TLL1: variants seen among roughly 807,000 people sequenced by gnomAD.
TLL1 encodes the protein tolloid like 1, also known as tolloid-like protein 1.
In TLL1, 49 loss-of-function variants were observed where a neutral mutation model predicts 128.2. The observed-to-expected ratio is 0.38, with a 90% CI of 0.30 to 0.48. TLL1 has a LOEUF of 0.48. Among genes scored for constraint, TLL1 ranks in the 20% least tolerant of loss-of-function variants. TLL1 has a pLI of 0.96. For missense variants in TLL1, 1,123 were observed against 1,242.0 expected (o/e 0.90, Z 1.44); for synonymous variants, 454 against 418.8 (o/e 1.08, Z -1.03).
intron 19 of TLL1, among the ~76,000 whole-genome samples, chr4:166,093,856 G>T (rs1219751693): frequency 6.6e-6 from 1 of 152,078 alleles, no homozygotes; most frequent in Non-Finnish European, 1.5e-5. Context: ...TGTTAACAAG[G>T]CACGTCCTGC....
chr4:166,073,897 C>T (rs905916757), intron 16 of TLL1, among the ~76,000 whole-genome samples: 6 of 152,044 alleles, frequency 3.9e-5, no homozygotes, highest in Non-Finnish European at 5.9e-5. Flanking sequence ...CAGCCTAACT[C>T]CTCATATGAC....
intron 1 of TLL1, among the ~76,000 whole-genome samples, chr4:165,950,760 T>C (rs902686588): frequency 3.3e-5 from 5 of 152,052 alleles, no homozygotes; most frequent in African/African-American, 9.7e-5. Context: ...GTGATGTTGC[T>C]AAAACAGTTC....
chr4:166,093,077 GCCTCTCC>G (rs1741849831), intron 19 of TLL1, among the ~76,000 whole-genome samples: 1 of 152,130 alleles, frequency 6.6e-6, no homozygotes, highest in Non-Finnish European at 1.5e-5. Flanking sequence ...GGGGTGGCCT[GCCTCTCC>G]ACACCTGTGG....
chr4:166,079,250 G>A (rs1181850939), intron 18 of TLL1, among the ~76,000 whole-genome samples: 7 of 152,048 alleles, frequency 4.6e-5, no homozygotes, highest in Admixed American at 2.6e-4. Flanking sequence ...CTTTTAAGGC[G>A]TTCATTTTCT....
chr4:165,902,587 T>A (rs555534865), intron 1 of TLL1, among the ~76,000 whole-genome samples: 1 of 152,252 alleles, frequency 6.6e-6, no homozygotes, highest in Admixed American at 6.5e-5. Flanking sequence ...CACCCTGCTT[T>A]GGCTTGCCTT....
rs1368854215 is a variant in TLL1, at chr4:166,014,576, A to G, written c.1042+16A>G. 6.2e-7 allele frequency: 1 copy of G among 1,610,902 alleles called. No individual in the cohort carries two copies. Among genetic ancestry groups the G allele is most frequent in the Non-Finnish European group, 8.5e-7 (1 of 1,178,014 alleles). On this transcript the variant is annotated intron_variant, in intron 8 of 20. Transcript: ENST00000061240. The stretch of plus-strand genomic sequence containing the variant: ...AGATGTCCAGGTATTGCACTACACA[A>G]ACACAAGAGCATGACTGTACTTGAT...
Position 166,099,573 on chromosome 4 carries a change from C to T in TLL1, c.2907+46C>T, listed in dbSNP as rs752905072. ...ATACCCTAGACATGATTAAAGATGC[C>T]TATTGATTCATGATTGATATGTGTA... On this transcript the variant is annotated intron_variant, in intron 20 of 20. Transcript: ENST00000061240. 3.8e-6 allele frequency: 6 copies of T among 1,598,728 alleles called. No individual in the cohort carries two copies. The African/African-American group carries it at 4.1e-5, about 11-fold the overall frequency.
rs1181828348 is a variant in TLL1 at position 166,014,537 on chromosome 4, C to G, written c.1019C>G (p.Ala340Gly). 5 of 1,611,902 alleles carry G rather than the reference C, an allele frequency of 3.1e-6. No homozygotes were observed. The highest frequency in any genetic ancestry group is 3.4e-6 in the Non-Finnish European group (4 of 1,178,568). Reference protein sequence around the residue: ...TRLSKGDIAQARKLYRCPACG... With the variant: ...TRLSKGDIAQGRKLYRCPACG... ...CTAAGCAAAGGAGATATCGCACAGG[C>G]AAGAAAGCTGTATAGATGTCCAGGT... The change falls in exon 8 of 21, where the codon GCA becomes GGA. Residue 340 changes from alanine (A) to glycine (G), a missense_variant. Ala to Gly is a moderately conservative substitution (Grantham distance 60). Around this residue, in one of 3 missense-constraint regions of TLL1, gnomAD observed 480 missense variants for 542.4 expected, o/e 0.89. Transcript: ENST00000061240.
intron 18 of TLL1, among the ~76,000 whole-genome samples, chr4:166,080,639 T>C (rs1287952528): frequency 1.3e-5 from 2 of 152,164 alleles, no homozygotes; most frequent in Admixed American, 6.6e-5. Context: ...ATAGAGACTT[T>C]ATGTCTGGAA....
intron 12 of TLL1, chr4:166,044,494 G>A: frequency 1.5e-6 from 2 of 1,359,986 alleles, no homozygotes; most frequent in Non-Finnish European, 2.0e-6. Context: ...TAACTTCCCA[G>A]ATGTATTTCC....
At chr4:166,039,585 A>T in intron 10 of TLL1, 144 bp downstream of exon 10, 1 of 658,588 alleles carries the variant, frequency 1.5e-6, no homozygotes, top group Non-Finnish European at 2.7e-6. Flanking sequence ...TTTTTCAACC[A>T]TACCAAAAAT....
intron 1 of TLL1, among the ~76,000 whole-genome samples, chr4:165,910,028 G>C (rs1206396342): frequency 6.6e-6 from 1 of 152,118 alleles, no homozygotes; most frequent in Admixed American, 6.5e-5. Flanking sequence ...AGGAAAATAA[G>C]AGAACACTTG....
intron 20 of TLL1, among the ~76,000 whole-genome samples, chr4:166,100,236 T>C (rs544826333): frequency 6.6e-6 from 1 of 152,272 alleles, no homozygotes; most frequent in East Asian, 1.9e-4. Context: ...GCTTCAGTAA[T>C]ACTGTTGAAC....
At chr4:166,007,905 A>G (rs1241118558) in intron 6 of TLL1, 38 bp from the exon 7 acceptor site, 9 of 1,380,058 alleles carry the variant, frequency 6.5e-6, no homozygotes, top group Non-Finnish European at 9.3e-6. Context: ...TCTGTCAGTT[A>G]AAAGGCTTCT....
chr4:166,072,343 CTCT>C (rs1416498603), intron 16 of TLL1, among the ~76,000 whole-genome samples: 10 of 151,386 alleles, frequency 6.6e-5, no homozygotes, highest in Admixed American at 4.0e-4. Flanking sequence ...ATAATAATAA[CTCT>C]TCTTCTTCCC....
chr4:165,896,500 T>C (rs76643280), intron 1 of TLL1, among the ~76,000 whole-genome samples: 35 of 132,146 alleles, frequency 2.6e-4, no homozygotes, highest in African/African-American at 8.8e-4. Flanking sequence ...TTTTTTTTTT[T>C]CAGACCGAGT....
chr4:165,941,367 G>T (rs1384786570), intron 1 of TLL1, among the ~76,000 whole-genome samples: 6 of 152,030 alleles, frequency 3.9e-5, no homozygotes, highest in African/African-American at 1.4e-4. Context: ...CCCATTTTAG[G>T]AAAGAGTCTA....
At chr4:166,045,235 A>G (rs1448177254) in intron 12 of TLL1, among the ~76,000 whole-genome samples, 1 of 152,078 alleles carries the variant, frequency 6.6e-6, no homozygotes, top group Non-Finnish European at 1.5e-5. Context: ...TATATGTTAG[A>G]CATATTTTGA....
chr4:166,053,019 TGAG>T (rs1418733349), intron 12 of TLL1, among the ~76,000 whole-genome samples: 2 of 135,580 alleles, frequency 1.5e-5, no homozygotes, highest in African/African-American at 5.5e-5. Context: ...GGTGACCAAT[TGAG>T]TTAGTTTTTA....
Sources: allele counts gnomAD v4.1 joint callset (sites outside exome capture counted in the v4.1 genomes callset), GRCh38; gene constraint gnomAD v4.1.1; regional missense constraint gnomAD v4.1.1; transcripts MANE v1.5; gene names NCBI Gene and HGNC (gene_info 2026-07-23, HGNC 2026-07-21).